Variants in PPARGC1A observed in about 807,000 individuals in gnomAD.
PPARGC1A encodes peroxisome proliferator-activated receptor gamma coactivator 1-alpha.
A neutral mutation model predicts 88.7 loss-of-function variants in PPARGC1A; 25 were observed. The observed-to-expected ratio is 0.28, with a 90% CI of 0.21 to 0.39. The LOEUF is 0.39. PPARGC1A is among the 10% of genes least tolerant of loss of function. The pLI, the probability that PPARGC1A is intolerant of heterozygous loss-of-function variation, is 1.00. For synonymous variants in PPARGC1A, 363 were observed against 355.6 expected, an observed-to-expected ratio of 1.02 and a Z score of -0.24; for missense variants, 880 against 968.7, an observed-to-expected ratio of 0.91 and a Z score of 1.22.
At chr4:24,284,430 A>G in the PPARGC1A span, among the ~76,000 whole-genome samples, 1 of 152,146 alleles carries the variant, frequency 6.6e-6, no homozygotes, top group East Asian at 1.9e-4. Flanking sequence ...GTTCTTAACC[A>G]CTCCATTCAC....
At chr4:24,173,926 C>T in the PPARGC1A span, among the ~76,000 whole-genome samples, 17 of 152,304 alleles carry the variant, frequency 1.1e-4, no homozygotes, top group South Asian at 1.7e-3. Context: ...TGGACTTTGT[C>T]ACTTTAATTT....
the PPARGC1A span, among the ~76,000 whole-genome samples, chr4:24,206,806 A>C: frequency 7.6e-6 from 1 of 132,286 alleles, no homozygotes; most frequent in Admixed American, 8.7e-5. Context: ...CAACCACTGC[A>C]TTCCAGTCTG....
chr4:24,245,334 T>C, the PPARGC1A span, among the ~76,000 whole-genome samples: 3 of 152,188 alleles, frequency 2.0e-5, no homozygotes, highest in Admixed American at 2.0e-4. Context: ...GATAAGCAAG[T>C]GCTTGCATCA....
chr4:24,036,846 TTTAC>T, the PPARGC1A span, among the ~76,000 whole-genome samples: 2 of 152,220 alleles, frequency 1.3e-5, no homozygotes, highest in Admixed American at 1.3e-4. Context: ...CTTTATACAC[TTTAC>T]TTTTTGTACA....
chr4:23,890,842 G>A (rs1394281938), upstream of PPARGC1A, among the ~76,000 whole-genome samples: 1 of 152,072 alleles, frequency 6.6e-6, no homozygotes, highest in Admixed American at 6.6e-5. Flanking sequence ...CAGAAAACAA[G>A]TGTTAGTAAA....
chr4:23,799,144 T>C (rs1718180221), intron 12 of PPARGC1A, among the ~76,000 whole-genome samples: 1 of 152,196 alleles, frequency 6.6e-6, no homozygotes, highest in Admixed American at 6.5e-5. Context: ...TATATTCTTA[T>C]GCCCTGAAAT....
chr4:24,032,167 G>T, the PPARGC1A span, among the ~76,000 whole-genome samples: 1 of 152,146 alleles, frequency 6.6e-6, no homozygotes, highest in African/African-American at 2.4e-5. Flanking sequence ...TAATTGCAAA[G>T]CACCAAGCAC....
intron 2 of PPARGC1A, among the ~76,000 whole-genome samples, chr4:23,835,685 A>T (rs1443344665): frequency 1.3e-5 from 2 of 152,212 alleles, no homozygotes; most frequent in African/African-American, 4.8e-5. Flanking sequence ...TTAGTGAATT[A>T]AGGAAGGAAA....
chr4:24,033,251 C>A, the PPARGC1A span, among the ~76,000 whole-genome samples: 1 of 152,154 alleles, frequency 6.6e-6, no homozygotes, highest in African/African-American at 2.4e-5. Context: ...TTAGAATAGT[C>A]CCTCCCTCAA....
the PPARGC1A span, among the ~76,000 whole-genome samples, chr4:24,217,493 G>T: frequency 1.3e-5 from 2 of 152,114 alleles, no homozygotes; most frequent in Non-Finnish European, 2.9e-5. Context: ...GGGGACAAGA[G>T]AAGGGGCCTG....
the PPARGC1A span, among the ~76,000 whole-genome samples, chr4:23,992,663 C>T: frequency 2.2e-4 from 14 of 65,114 alleles, no homozygotes; most frequent in African/African-American, 1.1e-3. Flanking sequence ...CTGCATGTTC[C>T]CATTTTAAAA....
the PPARGC1A span, among the ~76,000 whole-genome samples, chr4:24,391,620 T>A: frequency 6.6e-6 from 1 of 152,124 alleles, no homozygotes; most frequent in Non-Finnish European, 1.5e-5. Context: ...TCTCAAAAAC[T>A]ATTAAAAGGT....
intron 10 of PPARGC1A, among the ~76,000 whole-genome samples, chr4:23,809,162 A>C (rs1415931844): frequency 6.6e-6 from 1 of 152,170 alleles, no homozygotes; most frequent in African/African-American, 2.4e-5. Context: ...TAGCTCTTCT[A>C]TGTATGAATT....
chr4:24,049,322 ATG>A, the PPARGC1A span, among the ~76,000 whole-genome samples: 1 of 141,984 alleles, frequency 7.0e-6, no homozygotes. Context: ...ATATATATAT[ATG>A]TGTGTGTGTG....
the PPARGC1A span, among the ~76,000 whole-genome samples, chr4:24,073,047 G>T: frequency 7.5e-5 from 11 of 146,782 alleles, no homozygotes; most frequent in Non-Finnish European, 1.6e-4. Context: ...TTTTATTTTT[G>T]CTTTGTTTGT....
chr4:24,378,983 G>A, the PPARGC1A span, among the ~76,000 whole-genome samples: 1 of 152,122 alleles, frequency 6.6e-6, no homozygotes, highest in Non-Finnish European at 1.5e-5. Flanking sequence ...ATCTGCTTTT[G>A]ATGCAATTTG....
chr4:23,861,022 T>TG (rs575344835), intron 2 of PPARGC1A, among the ~76,000 whole-genome samples: 1 of 152,222 alleles, frequency 6.6e-6, no homozygotes, highest in Non-Finnish European at 1.5e-5. Context: ...CATAATACCC[T>TG]GATCAATAAT....
chr4:24,321,757 A>AG, the PPARGC1A span, among the ~76,000 whole-genome samples: 1 of 152,244 alleles, frequency 6.6e-6, no homozygotes, highest in East Asian at 1.9e-4. Flanking sequence ...AGCTCTGCAA[A>AG]GGGCACTGCC....
intron 2 of PPARGC1A, among the ~76,000 whole-genome samples, chr4:23,841,359 A>G (rs1288693586): frequency 6.6e-6 from 1 of 152,160 alleles, no homozygotes; most frequent in Non-Finnish European, 1.5e-5. Flanking sequence ...TCTTATCCAG[A>G]AGTTTTTAAA....
Sources: allele counts gnomAD v4.1 joint callset (sites outside exome capture counted in the v4.1 genomes callset), GRCh38; gene constraint gnomAD v4.1.1; transcripts MANE v1.5; gene names NCBI Gene and HGNC (gene_info 2026-07-23, HGNC 2026-07-21).